CEMIP2: variants seen among roughly 807,000 people sequenced by gnomAD.
CEMIP2 encodes cell surface hyaluronidase CEMIP2.
In CEMIP2, 79 loss-of-function variants were observed where a neutral mutation model predicts 146.9. The observed-to-expected ratio is 0.54, with a 90% CI of 0.45 to 0.65. The LOEUF (loss-of-function observed/expected upper bound fraction) is 0.65, where lower values mean the gene tolerates loss of function less well. Ranked by LOEUF, CEMIP2 falls within the 30% of genes least tolerant of loss-of-function variation. CEMIP2 has a pLI of 0.00. For missense variants in CEMIP2, 1,596 were observed against 1,696.2 expected (o/e 0.94, Z 1.04); for synonymous variants, 601 against 606.3 (o/e 0.99, Z 0.13).
At position 71,728,274 on chromosome 9, in the gene CEMIP2, T is replaced by TATATATATATATATAC. The variant is rs1823481370; in HGVS notation, c.2049+1570_2049+1571insGTATATATATATATAT. 3.0e-4 allele frequency among the ~76,000 whole-genome samples: 3 copies of TATATATATATATATAC among 9,896 alleles called. 1 individual carries two copies. The highest frequency in any genetic ancestry group is 5.8e-4 in the African/African-American group (3 of 5,136). 6.5% of individuals were successfully genotyped at this position (9,896 alleles called of 152,430 possible). On this transcript the variant is annotated intron_variant, in intron 10 of 23. Coordinates refer to ENST00000377044, the MANE Select transcript of CEMIP2 (RefSeq NM_013390.3). ...ATGTATATACACGTATATATATATA[T>TATATATATATATATAC]ATATATGTATATATATATATATATA...
At chr9:71,731,731 C>CAAAAAAAA (rs35175440) in intron 7 of CEMIP2, among the ~76,000 whole-genome samples, 1 of 138,504 alleles carries the variant, frequency 7.2e-6, no homozygotes, top group African/African-American at 2.8e-5. Context: ...GACTGTATCT[C>CAAAAAAAA]AAAAAAAAAA....
intron 4 of CEMIP2, among the ~76,000 whole-genome samples, chr9:71,742,230 A>G (rs1823943498): frequency 6.6e-6 from 1 of 152,236 alleles, no homozygotes; most frequent in Admixed American, 6.5e-5. Context: ...TCTTTGGACG[A>G]CAATGCTTTG....
chr9:71,754,326 G>GT (rs1824354581), intron 1 of CEMIP2, among the ~76,000 whole-genome samples: 1 of 152,182 alleles, frequency 6.6e-6, no homozygotes, highest in African/African-American at 2.4e-5. Context: ...CCCTAAAGTT[G>GT]TTAGTACTTG....
intron 3 of CEMIP2, among the ~76,000 whole-genome samples, chr9:71,745,841 AAT>A (rs1824072034): frequency 6.6e-6 from 1 of 152,188 alleles, no homozygotes; most frequent in Admixed American, 6.5e-5. Flanking sequence ...TACAAATCTG[AAT>A]CTTATTTTTG....
intron 1 of CEMIP2, among the ~76,000 whole-genome samples, chr9:71,760,183 A>G (rs1824588274): frequency 6.6e-6 from 1 of 152,224 alleles, no homozygotes; most frequent in Admixed American, 6.5e-5. Context: ...AAAAACAAAA[A>G]TTAACTATAA....
chr9:71,737,940 C>G (rs964579816), intron 5 of CEMIP2, among the ~76,000 whole-genome samples: 1 of 151,996 alleles, frequency 6.6e-6, no homozygotes, highest in South Asian at 2.1e-4. Context: ...TCAAAACAAC[C>G]GTGAGAGACA....
At chr9:71,690,594 ATG>A (rs1203868442) in intron 21 of CEMIP2, among the ~76,000 whole-genome samples, 1 of 152,232 alleles carries the variant, frequency 6.6e-6, no homozygotes, top group Non-Finnish European at 1.5e-5. Context: ...TTATAAGTCA[ATG>A]ATAGATGGCT....
At position 71,745,527 on chromosome 9, in the gene CEMIP2, C is replaced by G; in HGVS notation, c.525G>C (p.Arg175Ser). 6.2e-7 allele frequency: 1 copy of G among 1,613,152 alleles called. No individual in the cohort carries two copies. The highest frequency in any genetic ancestry group is 8.5e-7 in the Non-Finnish European group (1 of 1,179,916). The change falls in exon 4 of 24, where the codon AGG (arginine) becomes AGC (serine). Residue 175 changes from arginine (R) to serine (S), a missense_variant. Physicochemically the swap from Arg to Ser is moderately radical, Grantham distance 110 (BLOSUM62 -1). Coordinates refer to ENST00000377044, the MANE Select transcript of CEMIP2 (RefSeq NM_013390.3). ...CATCCTGGATCAGGATGTAATGAGTCCTCAAAGTAATATTTCTGGATCCAT... is the reference window on the plus strand; with the variant it reads ...CATCCTGGATCAGGATGTAATGAGTGCTCAAAGTAATATTTCTGGATCCAT... Reference protein sequence around the residue: ...NKDGSRNITLRTHYILIQDGG... With the variant: ...NKDGSRNITLSTHYILIQDGG...
intron 22 of CEMIP2, chr9:71,687,415 T>C (rs76491122): frequency 9.4e-4 from 143 of 152,250 alleles, no homozygotes; most frequent in African/African-American, 3.3e-3. Context: ...TTTATTCAAC[T>C]TCTGTTGCAT....
At chr9:71,704,379 T>G in intron 18 of CEMIP2, 1 of 579,718 alleles carries the variant, frequency 1.7e-6, no homozygotes, top group Non-Finnish European at 3.1e-6. Flanking sequence ...CATAATAACT[T>G]GACCACAGAG....
At chr9:71,686,448 A>G (rs150156952) in intron 22 of CEMIP2, 3,076 of 156,394 alleles carry the variant, frequency 0.02, 45 homozygotes, top group East Asian at 0.047. Flanking sequence ...TAATTATTTC[A>G]TTATATATTG....
chr9:71,717,080 G>A (rs114669955), intron 13 of CEMIP2, among the ~76,000 whole-genome samples: 4,386 of 152,258 alleles, frequency 0.029, 99 homozygotes, highest in Middle Eastern at 0.072. Context: ...GCTAAGGTGA[G>A]AGGTTTGCTT....
chr9:71,758,879 G>A (rs535186398), intron 1 of CEMIP2, among the ~76,000 whole-genome samples: 3 of 152,190 alleles, frequency 2.0e-5, no homozygotes, highest in Admixed American at 6.5e-5. Context: ...CCCACAAGGC[G>A]CATTCTCCAT....
At chr9:71,758,612 G>C (rs549517814) in intron 1 of CEMIP2, among the ~76,000 whole-genome samples, 3 of 152,084 alleles carry the variant, frequency 2.0e-5, no homozygotes, top group Non-Finnish European at 4.4e-5. Flanking sequence ...GAGGAGAGAC[G>C]GCAAATGTCT....
chr9:71,697,598 G>T (rs373122732), intron 20 of CEMIP2, among the ~76,000 whole-genome samples: 26 of 152,092 alleles, frequency 1.7e-4, no homozygotes, highest in South Asian at 4.1e-4. Flanking sequence ...CTGTATTTTT[G>T]AAAAGAAATT....
At chr9:71,729,511 C>T (rs868102711) in intron 10 of CEMIP2, among the ~76,000 whole-genome samples, 13 of 151,912 alleles carry the variant, frequency 8.6e-5, no homozygotes, top group Middle Eastern at 3.4e-3. Flanking sequence ...CCCAGCTACT[C>T]AGGAGGCTGA....
At chr9:71,717,836 AATAAT>A in intron 13 of CEMIP2, 107 bp downstream of exon 13, 1 of 1,043,658 alleles carries the variant, frequency 9.6e-7, no homozygotes, top group Non-Finnish European at 1.3e-6. Flanking sequence ...TCTTAATAAT[AATAAT>A]ATGATTCCAA....
In CEMIP2 at chr9:71,690,223, G is replaced by A. The variant is rs1268369219; in HGVS notation, c.3720C>T (p.Phe1240=). 8.7e-6 allele frequency: 14 copies of A among 1,614,104 alleles called. No individual in the cohort carries two copies. Among genetic ancestry groups the A allele is most frequent in the African/African-American group, 4.0e-5 (3 of 75,050 alleles). Residue 1240 remains phenylalanine, a synonymous_variant, in exon 22 of 24, where the codon TTC becomes TTT. Coordinates refer to ENST00000377044, the MANE Select transcript of CEMIP2 (RefSeq NM_013390.3). The stretch of plus-strand genomic sequence containing the variant: ...CAAGGAGGAGGACGCCTGCACTTCG[G>A]AAGGTAAAGTCAGTGCCATTGACCT... The part of the protein sequence containing the change: ...VISVNGTDFT[F]RSAGVLLLVV...
At position 71,754,478 on chromosome 9, in the gene CEMIP2, CAT is replaced by C. The variant is rs745795359; in HGVS notation, c.-12-4095_-12-4094del. 1.3e-3 allele frequency among the ~76,000 whole-genome samples: 196 copies of C among 152,240 alleles called. 1 individual carries two copies. Among genetic ancestry groups the C allele is most frequent in the African/African-American group, 3.0e-3 (124 of 41,524 alleles). ...TCACTTTAATACTCAGTTTGTATCA[CAT>C]GTTATTTTTTTTAAATGGTCGTATT... On this transcript the variant is annotated intron_variant, in intron 1 of 23. Coordinates refer to ENST00000377044, the MANE Select transcript of CEMIP2 (RefSeq NM_013390.3).
Sources: allele counts gnomAD v4.1 joint callset (sites outside exome capture counted in the v4.1 genomes callset), GRCh38; gene constraint gnomAD v4.1.1; transcripts MANE v1.5; gene names NCBI Gene and HGNC (gene_info 2026-07-23, HGNC 2026-07-21).